The following ECT2L variants were observed in gnomAD, a reference collection of about 807,000 sequenced individuals.
The protein encoded by ECT2L is epithelial cell-transforming sequence 2 oncogene-like.
ECT2L carries 126 observed loss-of-function variants against 122.8 expected under a neutral mutation model. That is an observed-to-expected ratio of 1.03 (90% CI 0.89 to 1.19). The LOEUF (loss-of-function observed/expected upper bound fraction) is 1.19, where lower values mean the gene tolerates loss of function less well. Ranked by LOEUF, ECT2L falls within the 50% of genes most tolerant of loss-of-function variation. The probability of loss-of-function intolerance (pLI) is 0.00; values close to 1 mark genes in which losing one functional copy is unlikely to be tolerated. For synonymous variants in ECT2L, 385 were observed against 381.8 expected, an observed-to-expected ratio of 1.01 and a Z score of -0.10; for missense variants, 1,012 against 1,064.1, an observed-to-expected ratio of 0.95 and a Z score of 0.68.
intron 4 of ECT2L, among the ~76,000 whole-genome samples, chr6:138,815,425 G>A (rs1776035031): frequency 6.6e-6 from 1 of 152,230 alleles, no homozygotes; most frequent in Non-Finnish European, 1.5e-5. Flanking sequence ...GGGTGTGGTT[G>A]AAGAATCCAG....
In ECT2L at chr6:138,854,119, G is replaced by T. The variant is rs977240861; in HGVS notation, c.1163G>T (p.Gly388Val). ...GSYVATEEEG[G>V]HVDFFVPLGA... ...TATGTGGCCACTGAAGAAGAAGGGGGTCACGTGGACTTCTTCGTGCCCCTT... is the reference window on the plus strand; with the variant it reads ...TATGTGGCCACTGAAGAAGAAGGGGTTCACGTGGACTTCTTCGTGCCCCTT... The change falls in exon 10 of 22, where the codon GGT becomes GTT. Residue 388 changes from glycine (G) to valine (V), a missense_variant. Coordinates refer to ENST00000541398, the MANE Select transcript of ECT2L (RefSeq NM_001077706.3). 16 of 1,614,004 alleles carry T rather than the reference G, an allele frequency of 9.9e-6. No individual in the cohort carries two copies. Among genetic ancestry groups the T allele is most frequent in the Non-Finnish European group, 1.4e-5 (16 of 1,180,018 alleles).
At chr6:138,828,640 T>G (rs1372172394) in intron 4 of ECT2L, among the ~76,000 whole-genome samples, 1 of 152,226 alleles carries the variant, frequency 6.6e-6, no homozygotes, top group Non-Finnish European at 1.5e-5. Flanking sequence ...TCGTCATTCC[T>G]TTTCTGTTTA....
chr6:138,861,809 G>A (rs1432685043), intron 10 of ECT2L, among the ~76,000 whole-genome samples: 2 of 151,972 alleles, frequency 1.3e-5, no homozygotes, highest in African/African-American at 4.8e-5. Flanking sequence ...CCCAGGGAAG[G>A]GGCTAAATTT....
chr6:138,877,437 C>G (rs1312129054), intron 14 of ECT2L, among the ~76,000 whole-genome samples: 5 of 152,094 alleles, frequency 3.3e-5, no homozygotes, highest in Non-Finnish European at 5.9e-5. Flanking sequence ...GATAACAACA[C>G]AAGGTTTGAC....
chr6:138,871,822 A>C (rs781326304), intron 13 of ECT2L, among the ~76,000 whole-genome samples: 18 of 151,862 alleles, frequency 1.2e-4, no homozygotes, highest in Non-Finnish European at 1.9e-4. Flanking sequence ...AACAAACAAA[A>C]AAAAACAAAA....
intron 5 of ECT2L, among the ~76,000 whole-genome samples, chr6:138,842,415 C>T (rs1449980952): frequency 6.6e-6 from 1 of 151,776 alleles, no homozygotes; most frequent in Non-Finnish European, 1.5e-5. Context: ...GAGCTGAGAT[C>T]GCGCCACTGC....
intron 13 of ECT2L, among the ~76,000 whole-genome samples, chr6:138,873,990 G>A (rs893630068): frequency 2.6e-5 from 4 of 151,114 alleles, no homozygotes; most frequent in South Asian, 2.1e-4. Flanking sequence ...ATTTGCTCCT[G>A]GTTTTTGTCT....
chr6:138,887,229 A>AT (rs772909250), intron 19 of ECT2L, among the ~76,000 whole-genome samples: 13,245 of 94,112 alleles, frequency 0.14, 1,262 homozygotes, highest in African/African-American at 0.28. Flanking sequence ...CTTTTCTTTA[A>AT]TTTTTTTTTT....
intron 4 of ECT2L, chr6:138,822,748 T>C: frequency 1.9e-6 from 3 of 1,588,518 alleles, no homozygotes; most frequent in Non-Finnish European, 2.6e-6. Flanking sequence ...ATTGGAGCCA[T>C]GGCTTTGGAA....
In ECT2L at chr6:138,814,649, A is replaced by T. The variant is rs769080073; in HGVS notation, c.179+46A>T. On this transcript the variant is annotated intron_variant, in intron 4 of 21. Coordinates refer to ENST00000541398, the MANE Select transcript of ECT2L (RefSeq NM_001077706.3). Reference sequence around the variant, plus strand: ...TAATTAACATTGATTCTTAAAGAAAACCGTATATAAATGTTTATATAACCT... The same window carrying T: ...TAATTAACATTGATTCTTAAAGAAATCCGTATATAAATGTTTATATAACCT... 13 of 1,209,876 alleles carry T rather than the reference A, an allele frequency of 1.1e-5. No individual in the cohort carries two copies. In the East Asian group the frequency reaches 3.2e-4, roughly 30 times the overall value. The allele number at this position is 1,209,876 out of a possible 1,614,324, so 74.9% of individuals were successfully genotyped here.
chr6:138,863,043 T>C (rs555453039), intron 11 of ECT2L, among the ~76,000 whole-genome samples: 1 of 152,330 alleles, frequency 6.6e-6, no homozygotes, highest in Non-Finnish European at 1.5e-5. Flanking sequence ...TAGTAACATA[T>C]ATATAGTCAA....
chr6:138,855,605 T>A (rs1421788129), intron 10 of ECT2L, among the ~76,000 whole-genome samples: 2 of 152,234 alleles, frequency 1.3e-5, no homozygotes, highest in Non-Finnish European at 2.9e-5. Context: ...TTTTTCTACT[T>A]TTCTACTTTG....
intron 20 of ECT2L, among the ~76,000 whole-genome samples, chr6:138,895,981 C>T (rs1166033430): frequency 1.3e-5 from 2 of 152,064 alleles, no homozygotes; most frequent in East Asian, 3.9e-4. Flanking sequence ...CAATTTGTTC[C>T]TCTGAGGACA....
chr6:138,849,573 CTTTTTTT>C (rs761157171), intron 9 of ECT2L, 139 bp downstream of exon 9: 2 of 509,252 alleles, frequency 3.9e-6, no homozygotes, highest in Non-Finnish European at 6.1e-6. Context: ...AAAAGCGAAG[CTTTTTTT>C]TTTTTTTTTT....
chr6:138,874,284 C>T (rs1042215132), intron 13 of ECT2L, among the ~76,000 whole-genome samples: 5 of 152,064 alleles, frequency 3.3e-5, no homozygotes, highest in African/African-American at 1.2e-4. Flanking sequence ...GACCCACCAA[C>T]CCAGAATGAT....
In ECT2L at chr6:138,854,117, G is replaced by T. The variant is rs375332969; in HGVS notation, c.1161G>T (p.Gly387=). Residue 387 remains glycine, a synonymous_variant, in exon 10 of 22, where the codon GGG becomes GGT. Transcript: ENST00000541398. ...GCTATGTGGCCACTGAAGAAGAAGG[G>T]GGTCACGTGGACTTCTTCGTGCCCC... ...LGSYVATEEE[G]GHVDFFVPLG... is the part of the protein sequence containing the mutation. 33 of 1,614,100 alleles carry T rather than the reference G, an allele frequency of 2.0e-5. No homozygotes were observed. The Middle Eastern group carries it at 4.9e-4, about 24-fold the overall frequency.
At chr6:138,847,537 ATTT>A (rs777070599) in intron 8 of ECT2L, among the ~76,000 whole-genome samples, 6 of 123,806 alleles carry the variant, frequency 4.8e-5, no homozygotes, top group Non-Finnish European at 1.7e-5. Flanking sequence ...TGCCCGGCTA[ATTT>A]TTTTTTTTTT....
intron 21 of ECT2L, among the ~76,000 whole-genome samples, chr6:138,901,485 T>C (rs1460170678): frequency 6.6e-6 from 1 of 152,230 alleles, no homozygotes; most frequent in Non-Finnish European, 1.5e-5. Context: ...AATTTTTATC[T>C]ATTACTTTCC....
chr6:138,838,590 C>T, intron 5 of ECT2L, 76 bp downstream of exon 5: 1 of 1,440,948 alleles, frequency 6.9e-7, no homozygotes, highest in Non-Finnish European at 9.2e-7. Flanking sequence ...GGGGTAGCTC[C>T]CGTCCCTGAA....
Sources: gnomAD v4.1 joint callset for allele counts (sites outside exome capture counted in the v4.1 genomes callset) on GRCh38, gnomAD v4.1.1 for gene constraint, MANE v1.5 for transcripts, NCBI Gene and HGNC (gene_info 2026-07-23, HGNC 2026-07-21) for gene names.